Variants in EVL observed in about 807,000 individuals in gnomAD.
The protein encoded by EVL is Enah/Vasp-like.
In EVL, 21 loss-of-function variants were observed where a neutral mutation model predicts 59.6. The observed-to-expected ratio is 0.35, with a 90% CI of 0.25 to 0.51. The LOEUF is 0.51. Among genes scored for constraint, EVL ranks in the 20% least tolerant of loss-of-function variants. EVL has a pLI of 0.97. For missense variants in EVL, 462 were observed against 546.6 expected (o/e 0.85, Z 1.54); for synonymous variants, 198 against 203.5 (o/e 0.97, Z 0.23).
At chr14:100,117,880 C>CT (rs1430136071) in intron 3 of EVL, among the ~76,000 whole-genome samples, 1 of 152,214 alleles carries the variant, frequency 6.6e-6, no homozygotes, top group Non-Finnish European at 1.5e-5. Context: ...GCTATTTTCT[C>CT]TAAGACTGTG....
intron 1 of EVL, among the ~76,000 whole-genome samples, chr14:100,080,918 GT>G (rs895795732): frequency 2.0e-5 from 3 of 152,296 alleles, no homozygotes; most frequent in African/African-American, 7.2e-5. Context: ...ATATGTATAT[GT>G]TTTTTAAAAA....
Position 100,137,738 on chromosome 14 carries a change from A to G in EVL, c.1032-2A>G, listed in dbSNP as rs772208496. The G allele has an allele frequency of 6.2e-7, 1 of 1,614,106 alleles. No individual in the cohort carries two copies. Among genetic ancestry groups the G allele is most frequent in the Non-Finnish European group, 8.5e-7 (1 of 1,180,022 alleles). On this transcript the variant is annotated splice_acceptor_variant, in intron 10 of 13. Coordinates refer to ENST00000392920, the MANE Select transcript of EVL (RefSeq NM_016337.3). LOFTEE classifies it high-confidence loss of function. ...CATGTCTGTTTCATTCCATTGCCGT[A>G]GAACCCCGTCTGTGGCAAAGAGCCC...
At chr14:100,002,283 TAG>T (rs1164305564) in intron 1 of EVL, among the ~76,000 whole-genome samples, 1 of 152,116 alleles carries the variant, frequency 6.6e-6, no homozygotes, top group Non-Finnish European at 1.5e-5. Flanking sequence ...GAGCACCTGT[TAG>T]AGTTTTATAG....
chr14:100,081,082 T>A (rs1287111127), intron 1 of EVL, among the ~76,000 whole-genome samples: 1 of 152,066 alleles, frequency 6.6e-6, no homozygotes, highest in Non-Finnish European at 1.5e-5. Context: ...GAGTTTGAGA[T>A]CAGTCTGGGC....
At chr14:100,135,700 TC>T (rs1256165840) in intron 8 of EVL, 1 of 546,224 alleles carries the variant, frequency 1.8e-6, no homozygotes, top group Non-Finnish European at 3.3e-6. Context: ...GCCTTCCCCT[TC>T]CCCAGCTTTG....
At chr14:100,091,542 G>T (rs1379325784) in intron 2 of EVL, among the ~76,000 whole-genome samples, 3 of 152,244 alleles carry the variant, frequency 2.0e-5, no homozygotes, top group South Asian at 2.1e-4. Context: ...GGTTCCTGGA[G>T]GGGGGGCAGG....
At chr14:100,046,644 G>A (rs2061550332) in intron 1 of EVL, among the ~76,000 whole-genome samples, 1 of 150,786 alleles carries the variant, frequency 6.6e-6, no homozygotes, top group South Asian at 2.1e-4. Flanking sequence ...TCCAGCCTGG[G>A]CGACAGAGCG....
At chr14:100,100,215 A>G (rs1886120255) in intron 3 of EVL, among the ~76,000 whole-genome samples, 1 of 152,098 alleles carries the variant, frequency 6.6e-6, no homozygotes, top group Non-Finnish European at 1.5e-5. Flanking sequence ...CCTGGGGTTG[A>G]ATGAGTGTCT....
At chr14:100,059,553 C>T (rs998770244) in intron 1 of EVL, among the ~76,000 whole-genome samples, 5 of 152,142 alleles carry the variant, frequency 3.3e-5, no homozygotes, top group South Asian at 2.1e-4. Flanking sequence ...TGGCAGAGAT[C>T]GCCTGCTGTA....
chr14:100,020,748 T>C (rs183874835), intron 1 of EVL, among the ~76,000 whole-genome samples: 1 of 152,270 alleles, frequency 6.6e-6, no homozygotes, highest in Non-Finnish European at 1.5e-5. Flanking sequence ...GATCATTAGA[T>C]CTCCACAAAG....
chr14:100,033,871 G>C (rs2061349163), intron 1 of EVL, among the ~76,000 whole-genome samples: 1 of 152,164 alleles, frequency 6.6e-6, no homozygotes, highest in Non-Finnish European at 1.5e-5. Context: ...TGCTGTTTTA[G>C]TCATACACAA....
intron 2 of EVL, among the ~76,000 whole-genome samples, chr14:100,095,959 C>T (rs1432274709): frequency 6.6e-6 from 1 of 151,892 alleles, no homozygotes; most frequent in Non-Finnish European, 1.5e-5. Flanking sequence ...AACTTCTGAC[C>T]TCAGGTGATC....
chr14:100,055,740 T>A (rs535397359), intron 1 of EVL, among the ~76,000 whole-genome samples: 3 of 152,254 alleles, frequency 2.0e-5, no homozygotes, highest in Non-Finnish European at 4.4e-5. Context: ...TACTTAGATA[T>A]CGTAATCAGT....
chr14:100,094,813 G>A (rs908053853), intron 2 of EVL, among the ~76,000 whole-genome samples: 7 of 151,940 alleles, frequency 4.6e-5, no homozygotes, highest in African/African-American at 7.3e-5. Flanking sequence ...AGGCCGAGGC[G>A]GGCAGATCAC....
intron 2 of EVL, among the ~76,000 whole-genome samples, chr14:100,097,237 C>T (rs1885877091): frequency 6.6e-6 from 1 of 152,200 alleles, no homozygotes; most frequent in African/African-American, 2.4e-5. Context: ...CCCAGCTCAG[C>T]TGTTCATCTG....
chr14:100,087,434 T>C (rs936081219), intron 2 of EVL, among the ~76,000 whole-genome samples: 74 of 152,172 alleles, frequency 4.9e-4, no homozygotes, highest in African/African-American at 1.7e-3. Flanking sequence ...GGCAACATAG[T>C]GAGACCCCAT....
chr14:100,141,174 T>C lies in EVL; in HGVS notation c.1095-6T>C, dbSNP rs766165512. ...CCAGGGCACCCACAGGCCCTTTCTC[T>C]CCCAGGATGAAGCCTGCTGGGAGCG... On this transcript the variant is annotated splice_polypyrimidine_tract_variant and splice_region_variant and intron_variant, in intron 11 of 13. Coordinates refer to ENST00000392920, the MANE Select transcript of EVL (RefSeq NM_016337.3). 3.1e-6 allele frequency: 5 copies of C among 1,613,608 alleles called. No homozygotes were observed. In the East Asian group the frequency reaches 1.1e-4, roughly 36 times the overall value.
At chr14:100,082,912 C>T (rs1055571618) in intron 1 of EVL, among the ~76,000 whole-genome samples, 8 of 152,192 alleles carry the variant, frequency 5.3e-5, no homozygotes, top group African/African-American at 1.7e-4. Context: ...ATTCAGTCAG[C>T]GGCTGGGAGC....
At chr14:100,137,831 C>A (rs776857509) in intron 11 of EVL, 29 bp downstream of exon 11, 31 of 1,609,800 alleles carry the variant, frequency 1.9e-5, no homozygotes, top group Non-Finnish European at 2.1e-5. Context: ...GCTCACATGT[C>A]CCCCAGGGTT....
Sources: gnomAD v4.1 joint callset for allele counts (sites outside exome capture counted in the v4.1 genomes callset) on GRCh38, gnomAD v4.1.1 for gene constraint, MANE v1.5 for transcripts, NCBI Gene and HGNC (gene_info 2026-07-23, HGNC 2026-07-21) for gene names.